The following UGGT2 variants were observed in gnomAD, a reference collection of about 807,000 sequenced individuals.
UGGT2 encodes the protein UDP-glucose:glycoprotein glucosyltransferase 2.
UGGT2 carries 180 observed loss-of-function variants against 192.1 expected under a neutral mutation model. That is an observed-to-expected ratio of 0.94 (90% confidence interval 0.83 to 1.06). The LOEUF (loss-of-function observed/expected upper bound fraction) is 1.06, where lower values mean the gene tolerates loss of function less well. Among genes scored for constraint, UGGT2 ranks in the 50% least tolerant of loss-of-function variants. UGGT2 has a pLI of 0.00. For missense variants in UGGT2, 1,849 were observed against 1,795.7 expected (o/e 1.03, Z -0.54); for synonymous variants, 580 against 591.0 (o/e 0.98, Z 0.27).
rs149210229 is a variant in UGGT2, at chr13:95,836,227, T to C, written c.4401+859A>G. 1.3e-3 allele frequency among the ~76,000 whole-genome samples: 199 copies of C among 152,242 alleles called. 2 individuals are homozygous for C. The highest frequency in any genetic ancestry group is 4.5e-3 in the African/African-American group (189 of 41,546). On this transcript the variant is annotated intron_variant, in intron 37 of 38. Coordinates refer to ENST00000376747, the MANE Select transcript of UGGT2 (RefSeq NM_020121.4). ...CCACGCCCAGCTAATTTTTTGTAAT[T>C]TTAGTAGAGATGGGGTTTCATCATG...
chr13:95,852,987 G>A (rs1335057101), intron 36 of UGGT2, among the ~76,000 whole-genome samples: 1 of 152,144 alleles, frequency 6.6e-6, no homozygotes, highest in African/African-American at 2.4e-5. Flanking sequence ...TGTTGTGGGA[G>A]GGACCAGGTA....
intron 38 of UGGT2, among the ~76,000 whole-genome samples, chr13:95,829,280 C>G (rs542920805): frequency 6.6e-6 from 1 of 152,154 alleles, no homozygotes; most frequent in East Asian, 1.9e-4. Context: ...TGCCCTCTCT[C>G]GCCACTCCTA....
At chr13:95,835,866 T>G (rs189541940) in intron 37 of UGGT2, among the ~76,000 whole-genome samples, 5 of 152,208 alleles carry the variant, frequency 3.3e-5, no homozygotes, top group African/African-American at 1.2e-4. Flanking sequence ...TAAATGAAAA[T>G]CTAGGAAAAA....
In UGGT2 at chr13:95,884,627, G is replaced by C. The variant is rs144807217; in HGVS notation, c.3092C>G (p.Ser1031Cys). ...PELMSGANDV[S>C]SLGPVAKFLD... Reference sequence around the variant, plus strand: ...AAATTTTGCCACTGGTCCAAGAGAAGAAACGTCATTAGCCCCTGACATCAG... The same window carrying C: ...AAATTTTGCCACTGGTCCAAGAGAACAAACGTCATTAGCCCCTGACATCAG... Residue 1031 changes from serine (S) to cysteine (C), a missense_variant, in exon 27 of 39, where the codon TCT becomes TGT. Ser to Cys is a moderately radical substitution (Grantham distance 112, BLOSUM62 -1). Coordinates refer to ENST00000376747, the MANE Select transcript of UGGT2 (RefSeq NM_020121.4). 9.9e-6 allele frequency: 16 copies of C among 1,613,746 alleles called. No individual in the cohort carries two copies. In the African/African-American group the frequency reaches 1.9e-4, roughly 19 times the overall value.
intron 30 of UGGT2, 113 bp from the exon 31 acceptor site, chr13:95,863,827 T>C (rs144335037): frequency 2.0e-5 from 16 of 813,862 alleles, no homozygotes; most frequent in Middle Eastern, 2.3e-4. Flanking sequence ...AGATTGACAG[T>C]TGCAGTAACC....
chr13:96,008,263 G>A (rs1028016323), intron 5 of UGGT2, among the ~76,000 whole-genome samples: 2 of 152,016 alleles, frequency 1.3e-5, no homozygotes, highest in Non-Finnish European at 2.9e-5. Context: ...CCACAGAATG[G>A]GAGAAAATAT....
chr13:95,931,149 T>G (rs1419851095), intron 17 of UGGT2, among the ~76,000 whole-genome samples: 2 of 152,124 alleles, frequency 1.3e-5, no homozygotes, highest in African/African-American at 4.8e-5. Context: ...ATTGGTGTGT[T>G]TACAATCCCT....
rs199871760 is a variant in UGGT2, at chr13:96,036,566, T to TAA, written c.159-4597_159-4596dup. On this transcript the variant is annotated intron_variant, in intron 1 of 38. Coordinates refer to ENST00000376747, the MANE Select transcript of UGGT2 (RefSeq NM_020121.4). ...GTACCCTGGAACTTAAAAGTTCAAG[T>TAA]AAAAAAAAAAAAAGTATTCACTTAA... 1.5e-4 allele frequency among the ~76,000 whole-genome samples: 21 copies of TAA among 142,230 alleles called. No homozygotes were observed. In the East Asian group the frequency reaches 2.4e-3, roughly 16 times the overall value. 93.3% of individuals were successfully genotyped at this position (142,230 alleles called of 152,430 possible).
chr13:96,013,298 A>G lies in UGGT2; in HGVS notation c.660+9T>C. 6.5e-7 allele frequency: 1 copy of G among 1,542,434 alleles called. No homozygotes were observed. Among genetic ancestry groups the G allele is most frequent in the East Asian group, 2.5e-5 (1 of 40,754 alleles). ...GCCAAAAGCAACCTTGGAAAAAACA[A>G]GCGCATACCTGAATATAATGGCGAA... is the stretch of plus-strand genomic sequence containing the variant. On this transcript the variant is annotated intron_variant, in intron 5 of 38. Coordinates refer to ENST00000376747, the MANE Select transcript of UGGT2 (RefSeq NM_020121.4).
At chr13:96,012,708 A>T (rs1470711382) in intron 5 of UGGT2, among the ~76,000 whole-genome samples, 1 of 151,338 alleles carries the variant, frequency 6.6e-6, no homozygotes, top group Admixed American at 6.6e-5. Context: ...AACAAAGCAT[A>T]GTCCTTCCTC....
At chr13:95,861,189 TG>T (rs1890133982) in intron 31 of UGGT2, among the ~76,000 whole-genome samples, 1 of 152,102 alleles carries the variant, frequency 6.6e-6, no homozygotes, top group Non-Finnish European at 1.5e-5. Context: ...CAGCTTGACA[TG>T]GCCATATCTA....
intron 7 of UGGT2, among the ~76,000 whole-genome samples, chr13:95,994,406 C>A (rs1245907291): frequency 6.6e-6 from 1 of 151,650 alleles, no homozygotes; most frequent in African/African-American, 2.4e-5. Flanking sequence ...AACATTATTA[C>A]AATATTTATT....
In UGGT2 at chr13:95,985,999, A is replaced by G. The variant is rs200087333; in HGVS notation, c.1031+334T>C. 9.9e-5 allele frequency among the ~76,000 whole-genome samples: 15 copies of G among 152,234 alleles called. No individual in the cohort carries two copies. In the East Asian group the frequency reaches 2.7e-3, roughly 27 times the overall value. ...AGAGTAATACTTTTTATCATCCTCC[A>G]TAAGGGAAAGAAAAAACACTCCTTC... is the stretch of plus-strand genomic sequence containing the variant. On this transcript the variant is annotated intron_variant, in intron 9 of 38. Coordinates refer to ENST00000376747, the MANE Select transcript of UGGT2 (RefSeq NM_020121.4).
At chr13:95,935,445 C>T (rs1208661109) in intron 17 of UGGT2, among the ~76,000 whole-genome samples, 1 of 152,178 alleles carries the variant, frequency 6.6e-6, no homozygotes, top group African/African-American at 2.4e-5. Context: ...TGACAGGACA[C>T]AAAATTCTTG....
intron 20 of UGGT2, among the ~76,000 whole-genome samples, chr13:95,920,420 TG>T (rs374986869): frequency 1.4e-3 from 215 of 152,184 alleles, no homozygotes; most frequent in African/African-American, 4.7e-3. Context: ...ACATAATCTA[TG>T]AAATGGGAAA....
chr13:95,936,301 T>C (rs2049460069), intron 17 of UGGT2, among the ~76,000 whole-genome samples: 1 of 152,230 alleles, frequency 6.6e-6, no homozygotes, highest in South Asian at 2.1e-4. Context: ...TGATTTTACT[T>C]TGGGCTGTGT....
In UGGT2 at chr13:95,932,309, A is replaced by G. The variant is rs113352366; in HGVS notation, c.1977+4615T>C. On this transcript the variant is annotated intron_variant, in intron 17 of 38. Coordinates refer to ENST00000376747, the MANE Select transcript of UGGT2 (RefSeq NM_020121.4). ...AGTTAGCTGTATTCCTAGGTATTTT[A>G]TTTGTGTGTGTGTGTGTGTGTGTGT... Among the ~76,000 whole-genome samples the G allele has an allele frequency of 2.2e-3, 134 of 62,220 alleles. 2 individuals are homozygous for G. The highest frequency in any genetic ancestry group is 0.017 in the Middle Eastern group (2 of 116). The allele number at this position is 62,220 out of a possible 152,430, so 40.8% of individuals were successfully genotyped here. A position where few individuals can be genotyped will look rare whatever the true frequency, so the allele number is the denominator to read the frequency against.
rs780875839 is a variant in UGGT2, at chr13:95,867,350, G to A, written c.3547C>T (p.Leu1183Phe). Residue 1183 changes from leucine (L) to phenylalanine (F), a missense_variant, in exon 30 of 39, where the codon CTC becomes TTC. Coordinates refer to ENST00000376747, the MANE Select transcript of UGGT2 (RefSeq NM_020121.4). ...CTGCCCCCACATACTTTTACTTTGA[G>A]TATCTTGCTTTTGAAGCTGTTTAAT... is the stretch of plus-strand genomic sequence containing the variant. ...VVLNSFKSKILKVKVKKETDK... is the reference protein window; with the variant it reads ...VVLNSFKSKIFKVKVKKETDK... 1 of 1,607,598 alleles carries A rather than the reference G, an allele frequency of 6.2e-7. No individual in the cohort carries two copies. The highest frequency in any genetic ancestry group is 2.3e-5 in the East Asian group (1 of 44,394).
intron 36 of UGGT2, among the ~76,000 whole-genome samples, chr13:95,838,230 T>C (rs1887510958): frequency 6.6e-6 from 1 of 152,152 alleles, no homozygotes; most frequent in Non-Finnish European, 1.5e-5. Context: ...GAGAAATACT[T>C]AAACATAAAT....
Sources: allele counts gnomAD v4.1 joint callset (sites outside exome capture counted in the v4.1 genomes callset), GRCh38; gene constraint gnomAD v4.1.1; transcripts MANE v1.5; gene names NCBI Gene and HGNC (gene_info 2026-07-23, HGNC 2026-07-21).